Variants in LHFPL3 observed in about 807,000 individuals in gnomAD.
LHFPL3 encodes the protein LHFPL tetraspan subfamily member 3.
LHFPL3 carries 5 observed loss-of-function variants against 19.3 expected under a neutral mutation model. The observed-to-expected ratio is 0.26, with a 90% CI of 0.14 to 0.54. The LOEUF is 0.54. LHFPL3 is among the 20% of genes least tolerant of loss of function. LHFPL3 has a pLI of 0.94. For missense variants in LHFPL3, 249 were observed against 307.4 expected (o/e 0.81, Z 1.42); for synonymous variants, 133 against 126.2 (o/e 1.05, Z -0.36).
intron 1 of LHFPL3, among the ~76,000 whole-genome samples, chr7:104,430,400 A>ATG (rs1791952293): frequency 2.5e-5 from 1 of 39,282 alleles, no homozygotes; most frequent in African/African-American, 1.9e-4. Flanking sequence ...ATATATATAT[A>ATG]TATACATATA....
At chr7:104,447,602 T>C (rs955283392) in intron 1 of LHFPL3, among the ~76,000 whole-genome samples, 10 of 152,144 alleles carry the variant, frequency 6.6e-5, no homozygotes, top group Admixed American at 4.6e-4. Context: ...TTTGTTTCTT[T>C]GTTTTGGATC....
intron 2 of LHFPL3, among the ~76,000 whole-genome samples, chr7:104,828,939 G>A (rs1401353780): frequency 6.6e-6 from 1 of 151,924 alleles, no homozygotes; most frequent in Non-Finnish European, 1.5e-5. Flanking sequence ...GGAGGCTGGG[G>A]TGGGAGAATC....
intron 1 of LHFPL3, among the ~76,000 whole-genome samples, chr7:104,686,062 G>C (rs1460394170): frequency 6.6e-6 from 1 of 152,202 alleles, no homozygotes; most frequent in Non-Finnish European, 1.5e-5. Flanking sequence ...CAAAATATTT[G>C]AAAGAACTAT....
chr7:104,364,699 A>G (rs557808227), intron 1 of LHFPL3, among the ~76,000 whole-genome samples: 1 of 152,348 alleles, frequency 6.6e-6, no homozygotes, highest in African/African-American at 2.4e-5. Flanking sequence ...TCTAGCAAGA[A>G]CACATTGTGT....
intron 1 of LHFPL3, among the ~76,000 whole-genome samples, chr7:104,580,745 C>G (rs1017670137): frequency 3.3e-5 from 5 of 151,984 alleles, no homozygotes; most frequent in Admixed American, 1.3e-4. Flanking sequence ...TGATTTTTTT[C>G]CACTACAGAT....
chr7:104,522,150 A>C (rs531880364), intron 1 of LHFPL3, among the ~76,000 whole-genome samples: 1 of 152,100 alleles, frequency 6.6e-6, no homozygotes, highest in East Asian at 1.9e-4. Context: ...ATGTCCAACA[A>C]TGATAGACTG....
intron 1 of LHFPL3, among the ~76,000 whole-genome samples, chr7:104,448,651 A>G (rs1487475927): frequency 6.6e-6 from 1 of 152,192 alleles, no homozygotes; most frequent in Admixed American, 6.5e-5. Context: ...TTCTATTTCA[A>G]TGTAAAAATC....
chr7:104,665,941 A>C (rs1364429911), intron 1 of LHFPL3, among the ~76,000 whole-genome samples: 1 of 152,134 alleles, frequency 6.6e-6, no homozygotes, highest in Non-Finnish European at 1.5e-5. Flanking sequence ...CCCTGGGCTT[A>C]AAACCACAAA....
chr7:104,376,251 G>A (rs1297885715), intron 1 of LHFPL3, among the ~76,000 whole-genome samples: 1 of 152,220 alleles, frequency 6.6e-6, no homozygotes, highest in African/African-American at 2.4e-5. Context: ...TGTCCTAGAT[G>A]CTGGGGAGTA....
At chr7:104,799,829 C>G (rs73181882) in intron 2 of LHFPL3, 2 of 153,398 alleles carry the variant, frequency 1.3e-5, no homozygotes, top group African/African-American at 4.8e-5. Flanking sequence ...TTGATTAATG[C>G]CCTTCATGAC....
At chr7:104,679,043 A>G (rs544258331) in intron 1 of LHFPL3, among the ~76,000 whole-genome samples, 17 of 152,360 alleles carry the variant, frequency 1.1e-4, no homozygotes, top group African/African-American at 4.1e-4. Context: ...TTCGCAACTT[A>G]AAACATTAGT....
At chr7:104,797,369 T>A (rs779568590) in intron 2 of LHFPL3, among the ~76,000 whole-genome samples, 1 of 152,100 alleles carries the variant, frequency 6.6e-6, no homozygotes, top group African/African-American at 2.4e-5. Flanking sequence ...AAGTGGCACA[T>A]GTCACCATCA....
At chr7:104,847,085 G>A (rs1037644671) in intron 2 of LHFPL3, among the ~76,000 whole-genome samples, 1 of 151,674 alleles carries the variant, frequency 6.6e-6, no homozygotes, top group Non-Finnish European at 1.5e-5. Flanking sequence ...CACACAGCCT[G>A]TGCCCTTTAC....
At chr7:104,385,319 G>T (rs551101628) in intron 1 of LHFPL3, among the ~76,000 whole-genome samples, 22 of 152,286 alleles carry the variant, frequency 1.4e-4, no homozygotes, top group Middle Eastern at 3.4e-3. Flanking sequence ...AAATGCACTA[G>T]TCTTGGCAAT....
At chr7:104,871,171 G>A (rs1177885899) in intron 2 of LHFPL3, among the ~76,000 whole-genome samples, 4 of 152,156 alleles carry the variant, frequency 2.6e-5, no homozygotes, top group South Asian at 2.1e-4. Context: ...AGACATAGAC[G>A]GTCTAGTCTA....
chr7:104,342,365 A>C (rs536540113), intron 1 of LHFPL3, among the ~76,000 whole-genome samples: 2 of 152,300 alleles, frequency 1.3e-5, no homozygotes, highest in South Asian at 4.1e-4. Context: ...TCAGAATTTA[A>C]AAATAATGTT....
At chr7:104,722,515 C>T (rs1239129316) in intron 1 of LHFPL3, among the ~76,000 whole-genome samples, 10 of 152,222 alleles carry the variant, frequency 6.6e-5, no homozygotes, top group Non-Finnish European at 1.5e-4. Flanking sequence ...TTCTTCACCA[C>T]ACTCTAAACC....
intron 1 of LHFPL3, among the ~76,000 whole-genome samples, chr7:104,694,587 T>C (rs1305212831): frequency 6.6e-6 from 1 of 152,160 alleles, no homozygotes; most frequent in Non-Finnish European, 1.5e-5. Context: ...GTGGACACAA[T>C]GTCAAAACAG....
At chr7:104,338,465 T>A (rs1360966854) in intron 1 of LHFPL3, among the ~76,000 whole-genome samples, 1 of 152,172 alleles carries the variant, frequency 6.6e-6, no homozygotes, top group African/African-American at 2.4e-5. Context: ...TAGGTTGCAA[T>A]ATAAAATGTA....
Sources: gnomAD v4.1 joint callset for allele counts (sites outside exome capture counted in the v4.1 genomes callset) on GRCh38, gnomAD v4.1.1 for gene constraint, MANE v1.5 for transcripts, NCBI Gene and HGNC (gene_info 2026-07-23, HGNC 2026-07-21) for gene names.